ZNF18: variants seen among roughly 807,000 people sequenced by gnomAD.
ZNF18 encodes the protein zinc finger protein 18.
Under a neutral mutation model 58.1 loss-of-function variants are expected in ZNF18, and 42 were observed. That is an observed-to-expected ratio of 0.72 (90% confidence interval 0.56 to 0.93). The LOEUF (loss-of-function observed/expected upper bound fraction) is 0.93, where lower values mean the gene tolerates loss of function less well. Among genes scored for constraint, ZNF18 ranks in the 40% least tolerant of loss-of-function variants. The pLI is 0.00. For missense variants in ZNF18, 540 were observed against 644.2 expected (o/e 0.84, Z 1.75); for synonymous variants, 231 against 239.8 (o/e 0.96, Z 0.34).
the ZNF18 span, among the ~76,000 whole-genome samples, chr17:12,007,611 A>G: frequency 6.6e-6 from 1 of 152,140 alleles, no homozygotes; most frequent in Non-Finnish European, 1.5e-5. Flanking sequence ...CTCACCTTGA[A>G]AGCCAGGACT....
At chr17:12,013,813 T>G in the ZNF18 span, among the ~76,000 whole-genome samples, 1 of 152,228 alleles carries the variant, frequency 6.6e-6, no homozygotes, top group Admixed American at 6.5e-5. Flanking sequence ...GCTGATAAAG[T>G]GCTTCATCAA....
intron 6 of ZNF18, among the ~76,000 whole-genome samples, chr17:11,982,374 C>T (rs1967416713): frequency 1.3e-5 from 2 of 151,728 alleles, no homozygotes; most frequent in African/African-American, 4.8e-5. Context: ...TTTTTTTTAA[C>T]GCTGGTTGTA....
Position 11,992,721 on chromosome 17 carries a change from G to A in ZNF18, c.109C>T (p.Pro37Ser), listed in dbSNP as rs1225834251. ...DAALQEELSS[P>S]ETARQLFRQF... is the part of the protein sequence containing the mutation. ...CTGAAAAGCTGGCGTGCGGTCTCAGGGCTGGAGAGTTCCTCTTGAAGGGCA... is the reference window on the plus strand; with the variant it reads ...CTGAAAAGCTGGCGTGCGGTCTCAGAGCTGGAGAGTTCCTCTTGAAGGGCA... The change falls in exon 2 of 7, where the codon CCT becomes TCT. Residue 37 changes from proline to serine, a missense_variant. Coordinates refer to ENST00000580306, the MANE Select transcript of ZNF18 (RefSeq NM_001303281.2). 6.2e-7 allele frequency: 1 copy of A among 1,614,230 alleles called. No homozygotes were observed. Among genetic ancestry groups the A allele is most frequent in the South Asian group, 1.1e-5 (1 of 91,090 alleles).
At chr17:12,018,762 C>T in the ZNF18 span, among the ~76,000 whole-genome samples, 1 of 152,108 alleles carries the variant, frequency 6.6e-6, no homozygotes, top group African/African-American at 2.4e-5. Flanking sequence ...TAATTATTGG[C>T]TCTTACTAGT....
At chr17:11,987,319 T>C (rs534524448) in intron 4 of ZNF18, among the ~76,000 whole-genome samples, 3 of 152,368 alleles carry the variant, frequency 2.0e-5, no homozygotes, top group East Asian at 1.9e-4. Flanking sequence ...TACTGTGTAC[T>C]GATAGTAATA....
chr17:12,019,294 ATGTGTGTGTGTGTGTGTGTGTGTGTGTG>A, the ZNF18 span, among the ~76,000 whole-genome samples: 1 of 145,348 alleles, frequency 6.9e-6, no homozygotes, highest in Non-Finnish European at 1.5e-5. Flanking sequence ...ATAATATTGG[ATGTGTGTGTGTGTGTGTGTGTGTGTGTG>A]TGTGTGTGTG....
intron 4 of ZNF18, among the ~76,000 whole-genome samples, chr17:11,990,197 A>G (rs1468982034): frequency 6.6e-6 from 1 of 152,138 alleles, no homozygotes; most frequent in Admixed American, 6.5e-5. Context: ...TCAAAATCAA[A>G]TTGTTTTAAA....
rs746889111 is a variant in ZNF18 at position 11,990,442 on chromosome 17, G to C, written c.666+20C>G. The C allele has an allele frequency of 1.2e-6, 2 of 1,602,750 alleles. No individual in the cohort carries two copies. The highest frequency in any genetic ancestry group is 1.7e-6 in the Non-Finnish European group (2 of 1,173,686). On this transcript the variant is annotated intron_variant, in intron 4 of 6. Transcript: ENST00000580306. ...AAAGGTAAAAAGTTTCCTTTTCATC[G>C]CTTTTGTACGTCAGCTCACCTGAGG...
At chr17:11,980,794 A>ATT (rs1967290644) in intron 6 of ZNF18, among the ~76,000 whole-genome samples, 1 of 152,116 alleles carries the variant, frequency 6.6e-6, no homozygotes, top group Non-Finnish European at 1.5e-5. Context: ...CTGTGCATCT[A>ATT]TTTTTATATC....
At chr17:12,021,040 C>G in the ZNF18 span, 1 of 1,142,574 alleles carries the variant, frequency 8.8e-7, no homozygotes, top group Non-Finnish European at 1.1e-6. Flanking sequence ...AGCCCCCTAG[C>G]GCGGCAACCC....
chr17:12,010,312 G>A, the ZNF18 span, among the ~76,000 whole-genome samples: 1 of 152,108 alleles, frequency 6.6e-6, no homozygotes, highest in Admixed American at 6.5e-5. Flanking sequence ...TTATTTTCTG[G>A]TGACTTAAAG....
At chr17:12,020,876 C>G in the ZNF18 span, 4 of 1,095,898 alleles carry the variant, frequency 3.6e-6, no homozygotes, top group East Asian at 1.1e-4. Flanking sequence ...CTCGGCTCTT[C>G]ACTCCCAACA....
intron 6 of ZNF18, among the ~76,000 whole-genome samples, chr17:11,980,825 A>AT (rs1967292791): frequency 3.3e-5 from 5 of 152,150 alleles, no homozygotes; most frequent in Admixed American, 2.0e-4. Flanking sequence ...TATTTTAATG[A>AT]TTTTTTACCT....
intron 1 of ZNF18, chr17:11,997,230 C>T (rs564229055): frequency 6.6e-6 from 1 of 152,660 alleles, no homozygotes; most frequent in East Asian, 1.9e-4. Context: ...CATCCCCCCG[C>T]ACCCACGGTC....
At position 11,990,443 on chromosome 17, in the gene ZNF18, C is replaced by G. The variant is rs768157241; in HGVS notation, c.666+19G>C. 6.2e-7 allele frequency: 1 copy of G among 1,606,168 alleles called. No individual in the cohort carries two copies. Among genetic ancestry groups the G allele is most frequent in the Admixed American group, 1.7e-5 (1 of 59,202 alleles). On this transcript the variant is annotated intron_variant, in intron 4 of 6. Coordinates refer to ENST00000580306, the MANE Select transcript of ZNF18 (RefSeq NM_001303281.2). ...AAGGTAAAAAGTTTCCTTTTCATCG[C>G]TTTTGTACGTCAGCTCACCTGAGGT... is the stretch of plus-strand genomic sequence containing the variant.
chr17:11,978,018 C>A lies in ZNF18; in HGVS notation c.1589G>T (p.Ser530Ile). The A allele has an allele frequency of 6.2e-7, 1 of 1,606,160 alleles. No homozygotes were observed. Among genetic ancestry groups the A allele is most frequent in the Non-Finnish European group, 8.5e-7 (1 of 1,175,810 alleles). The change falls in exon 7 of 7, where the codon AGC becomes ATC. Residue 530 changes from serine to isoleucine, a missense_variant. Transcript: ENST00000580306. ...YKCSHCGKSF[S>I]WSSSLDKHQR... The stretch of plus-strand genomic sequence containing the variant: ...ATGTTTGTCAAGGCTCGAGCTCCAG[C>A]TGAAACTTTTCCCACAGTGCGAACA...
chr17:11,979,042 A>G (rs1372567143), intron 6 of ZNF18, among the ~76,000 whole-genome samples: 1 of 150,870 alleles, frequency 6.6e-6, no homozygotes, highest in Admixed American at 6.6e-5. Context: ...TTTCTTAAGG[A>G]CCAGGAAAAA....
the ZNF18 span, chr17:12,021,059 G>T: frequency 9.3e-7 from 1 of 1,072,252 alleles, no homozygotes; most frequent in Non-Finnish European, 1.2e-6. Context: ...CCGCGTCGTC[G>T]CGGCCTGCCC....
chr17:11,998,641 A>G (rs559737750), upstream of ZNF18, among the ~76,000 whole-genome samples: 1 of 152,150 alleles, frequency 6.6e-6, no homozygotes, highest in African/African-American at 2.4e-5. Flanking sequence ...CATGTTTACA[A>G]GAATTAAAGA....
Sources: gnomAD v4.1 joint callset for allele counts (sites outside exome capture counted in the v4.1 genomes callset) on GRCh38, gnomAD v4.1.1 for gene constraint, MANE v1.5 for transcripts, NCBI Gene and HGNC (gene_info 2026-07-23, HGNC 2026-07-21) for gene names.